TSHZ2: variants seen among roughly 807,000 people sequenced by gnomAD.
TSHZ2 encodes teashirt homolog 2.
A neutral mutation model predicts 74.4 loss-of-function variants in TSHZ2; 21 were observed. The observed-to-expected ratio is 0.28, with a 90% CI of 0.20 to 0.41. The LOEUF is 0.41. TSHZ2 is among the 10% of genes least tolerant of loss of function. The pLI, the probability that TSHZ2 is intolerant of heterozygous loss-of-function variation, is 1.00. For missense variants in TSHZ2, 1,244 were observed against 1,293.5 expected (o/e 0.96, Z 0.59); for synonymous variants, 540 against 515.3 (o/e 1.05, Z -0.65).
intron 1 of TSHZ2, among the ~76,000 whole-genome samples, chr20:53,167,679 T>C (rs945075767): frequency 6.6e-6 from 1 of 152,172 alleles, no homozygotes; most frequent in African/African-American, 2.4e-5. Flanking sequence ...GTCTTAAACA[T>C]TGCAATCTCA....
chr20:53,422,399 T>G (rs533741269), intron 2 of TSHZ2, among the ~76,000 whole-genome samples: 41 of 152,300 alleles, frequency 2.7e-4, no homozygotes, highest in South Asian at 1.5e-3. Flanking sequence ...AAGATGATTC[T>G]TATCAGATCC....
chr20:53,265,665 G>T (rs953320726), intron 2 of TSHZ2, among the ~76,000 whole-genome samples: 1 of 152,216 alleles, frequency 6.6e-6, no homozygotes, highest in African/African-American at 2.4e-5. Context: ...ACATTCTGTG[G>T]CTGCTCCTTG....
At chr20:53,144,102 T>C (rs1275959333) in intron 1 of TSHZ2, among the ~76,000 whole-genome samples, 1 of 152,178 alleles carries the variant, frequency 6.6e-6, no homozygotes, top group East Asian at 1.9e-4. Context: ...TACCAGCTGA[T>C]CCACTGAGTG....
intron 1 of TSHZ2, among the ~76,000 whole-genome samples, chr20:53,232,389 A>T (rs1568825640): frequency 6.6e-6 from 1 of 152,224 alleles, no homozygotes; most frequent in Non-Finnish European, 1.5e-5. Flanking sequence ...AAGGACCCAG[A>T]CTGATAAGAC....
chr20:53,238,208 T>C (rs1989983093), intron 1 of TSHZ2, among the ~76,000 whole-genome samples: 1 of 152,188 alleles, frequency 6.6e-6, no homozygotes, highest in Non-Finnish European at 1.5e-5. Context: ...AAATGCATTC[T>C]TTGATTCAAA....
intron 2 of TSHZ2, among the ~76,000 whole-genome samples, chr20:53,481,536 T>TG (rs1437364199): frequency 6.6e-6 from 1 of 151,272 alleles, no homozygotes; most frequent in Non-Finnish European, 1.5e-5. Flanking sequence ...ATCATGCCAC[T>TG]GTACTCAAGC....
At chr20:53,181,157 C>T (rs938756970) in intron 1 of TSHZ2, among the ~76,000 whole-genome samples, 8 of 152,200 alleles carry the variant, frequency 5.3e-5, no homozygotes, top group African/African-American at 1.7e-4. Flanking sequence ...ACCCTGGCCC[C>T]GCTAGATAAA....
chr20:53,005,992 T>C (rs553031905), intron 1 of TSHZ2, among the ~76,000 whole-genome samples: 1 of 152,222 alleles, frequency 6.6e-6, no homozygotes, highest in Non-Finnish European at 1.5e-5. Context: ...AATAGTTAGA[T>C]GATCCTTCAT....
chr20:53,012,805 G>T (rs115093965), intron 1 of TSHZ2, among the ~76,000 whole-genome samples: 10 of 152,034 alleles, frequency 6.6e-5, no homozygotes, highest in African/African-American at 2.4e-4. Flanking sequence ...GCCCTTCCCG[G>T]CTTCTCTCTC....
chr20:53,026,151 G>C (rs1409424257), intron 1 of TSHZ2, among the ~76,000 whole-genome samples: 2 of 151,958 alleles, frequency 1.3e-5, no homozygotes, highest in African/African-American at 4.8e-5. Context: ...CTGACTGCTT[G>C]AATTCAGAGG....
At chr20:53,006,619 G>A (rs1193319444) in intron 1 of TSHZ2, among the ~76,000 whole-genome samples, 1 of 152,192 alleles carries the variant, frequency 6.6e-6, no homozygotes, top group Non-Finnish European at 1.5e-5. Context: ...TTTCTCAATG[G>A]ATTCACAAAC....
intron 1 of TSHZ2, chr20:53,196,185 A>G (rs560769404): frequency 2.6e-5 from 4 of 152,140 alleles, no homozygotes; most frequent in South Asian, 4.2e-4. Context: ...GGCGCTGACA[A>G]TAAGGAAGCA....
At chr20:53,223,365 G>T (rs6097311) in intron 1 of TSHZ2, among the ~76,000 whole-genome samples, 3 of 152,212 alleles carry the variant, frequency 2.0e-5, no homozygotes, top group South Asian at 2.1e-4. Context: ...AGACTCAAAA[G>T]GTTACTTGCT....
At chr20:53,249,768 C>T (rs1020232634) in intron 1 of TSHZ2, among the ~76,000 whole-genome samples, 1 of 152,158 alleles carries the variant, frequency 6.6e-6, no homozygotes, top group Admixed American at 6.5e-5. Flanking sequence ...GCCTAGGGCA[C>T]ATCCTGCAGG....
At chr20:53,037,953 C>T (rs947166366) in intron 1 of TSHZ2, among the ~76,000 whole-genome samples, 10 of 151,934 alleles carry the variant, frequency 6.6e-5, no homozygotes, top group East Asian at 5.8e-4. Flanking sequence ...TCTCCACATG[C>T]GCTCAGGTAA....
At chr20:53,366,219 T>G (rs1450769208) in intron 2 of TSHZ2, among the ~76,000 whole-genome samples, 1 of 152,216 alleles carries the variant, frequency 6.6e-6, no homozygotes, top group South Asian at 2.1e-4. Flanking sequence ...CACTGCCCAC[T>G]GTGGAGACAA....
At chr20:53,238,636 C>A (rs774551032) in intron 1 of TSHZ2, among the ~76,000 whole-genome samples, 1 of 152,044 alleles carries the variant, frequency 6.6e-6, no homozygotes, top group Non-Finnish European at 1.5e-5. Flanking sequence ...CAGACATAAA[C>A]ACACACAATG....
intron 1 of TSHZ2, among the ~76,000 whole-genome samples, chr20:53,099,599 T>A (rs1305826384): frequency 6.6e-6 from 1 of 152,196 alleles, no homozygotes; most frequent in East Asian, 1.9e-4. Context: ...AAAAGAGGTT[T>A]AATGGACTCA....
intron 1 of TSHZ2, among the ~76,000 whole-genome samples, chr20:53,181,727 A>C (rs1193578820): frequency 6.6e-6 from 1 of 152,128 alleles, no homozygotes; most frequent in Non-Finnish European, 1.5e-5. Context: ...TCTCTACCAA[A>C]AATACAAAAA....
Sources: gnomAD v4.1 joint callset for allele counts (sites outside exome capture counted in the v4.1 genomes callset) on GRCh38, gnomAD v4.1.1 for gene constraint, MANE v1.5 for transcripts, NCBI Gene and HGNC (gene_info 2026-07-23, HGNC 2026-07-21) for gene names.